The following MAP3K7CL variants were observed in gnomAD, a reference collection of about 807,000 sequenced individuals.
MAP3K7CL encodes the protein MAP3K7 C-terminal-like protein.
In MAP3K7CL, 16 loss-of-function variants were observed where a neutral mutation model predicts 18.6. The observed-to-expected ratio is 0.86, with a 90% CI of 0.58 to 1.31. The LOEUF (loss-of-function observed/expected upper bound fraction) is 1.31. MAP3K7CL is among the 50% of genes most tolerant of loss of function. The probability of loss-of-function intolerance (pLI) is 0.00; values close to 1 mark genes in which losing one functional copy is unlikely to be tolerated. For synonymous variants in MAP3K7CL, 65 were observed against 66.8 expected (o/e 0.97, Z 0.13); for missense variants, 163 against 174.4 (o/e 0.93, Z 0.37).
chr21:29,163,977 G>GTA (rs1353541463), intron 4 of MAP3K7CL, among the ~76,000 whole-genome samples: 1 of 151,796 alleles, frequency 6.6e-6, no homozygotes, highest in Non-Finnish European at 1.5e-5. Context: ...GTATTACAGA[G>GTA]TCAATATCAG....
upstream of MAP3K7CL, among the ~76,000 whole-genome samples, chr21:29,126,081 A>G (rs2086676309): frequency 6.6e-6 from 1 of 152,236 alleles, no homozygotes; most frequent in Admixed American, 6.5e-5. Flanking sequence ...GAATTGAAGA[A>G]AGTGGCAGCA....
chr21:29,120,526 C>T (rs919844297), intron 4 of MAP3K7CL, among the ~76,000 whole-genome samples: 3 of 152,094 alleles, frequency 2.0e-5, no homozygotes, highest in Non-Finnish European at 4.4e-5. Flanking sequence ...ATGAAAAGGG[C>T]CTAGCTGAGT....
At chr21:29,169,985 C>G (rs145257470) in intron 4 of MAP3K7CL, among the ~76,000 whole-genome samples, 1 of 152,180 alleles carries the variant, frequency 6.6e-6, no homozygotes, top group Non-Finnish European at 1.5e-5. Context: ...CTGTGGTCTT[C>G]TACCCCCATA....
chr21:29,147,619 G>T (rs181843118), intron 2 of MAP3K7CL, among the ~76,000 whole-genome samples: 51 of 151,280 alleles, frequency 3.4e-4, no homozygotes, highest in Non-Finnish European at 3.2e-4. Context: ...TACTGTATAT[G>T]TATCTGTACT....
intron 4 of MAP3K7CL, among the ~76,000 whole-genome samples, chr21:29,166,526 A>G (rs1207004985): frequency 1.3e-5 from 2 of 152,184 alleles, no homozygotes; most frequent in Non-Finnish European, 2.9e-5. Context: ...TCACCCCAGA[A>G]ATAAATCTGG....
At chr21:29,154,253 GA>G (rs1445380946) in intron 3 of MAP3K7CL, among the ~76,000 whole-genome samples, 5 of 152,172 alleles carry the variant, frequency 3.3e-5, no homozygotes, top group Admixed American at 1.3e-4. Context: ...TTTATTGAAT[GA>G]AATACTTAAG....
intron 4 of MAP3K7CL, chr21:29,092,673 T>A: frequency 6.9e-7 from 1 of 1,455,082 alleles, no homozygotes; most frequent in Non-Finnish European, 9.5e-7. Flanking sequence ...GGGCAGCACC[T>A]CATTCTGCAG....
chr21:29,175,720 G>A lies in MAP3K7CL; in HGVS notation c.*828G>A, dbSNP rs2087951465. On this transcript the variant is annotated 3_prime_UTR_variant, in exon 5 of 5. Transcript: ENST00000399928. ...ACTATTGTTTTGTTTTGGATTTAAG[G>A]AGATGTTTTAGATCAGTAACAGCTA... The A allele has an allele frequency of 6.6e-6, 1 of 152,196 alleles. No homozygotes were observed. The highest frequency in any genetic ancestry group is 1.5e-5 in the Non-Finnish European group (1 of 68,024). The allele number at this position is 152,196 out of a possible 1,614,324, so 9.4% of individuals were successfully genotyped here. A position where few individuals can be genotyped will look rare whatever the true frequency, so the allele number is the denominator to read the frequency against.
At chr21:29,087,053 T>A (rs1348307967) in intron 1 of MAP3K7CL, among the ~76,000 whole-genome samples, 1 of 152,206 alleles carries the variant, frequency 6.6e-6, no homozygotes, top group East Asian at 1.9e-4. Context: ...TCTTTTCCAC[T>A]TGCTCTGCCC....
chr21:29,120,139 T>C (rs1469173789), intron 4 of MAP3K7CL, among the ~76,000 whole-genome samples: 1 of 152,144 alleles, frequency 6.6e-6, no homozygotes, highest in Non-Finnish European at 1.5e-5. Context: ...CTTATTTTTT[T>C]CCTCCTTGGA....
intron 4 of MAP3K7CL, among the ~76,000 whole-genome samples, chr21:29,117,265 T>C (rs1231803255): frequency 6.6e-6 from 1 of 152,232 alleles, no homozygotes; most frequent in African/African-American, 2.4e-5. Context: ...CTAGGAAATC[T>C]TCATTCCCAT....
chr21:29,093,743 G>A (rs1007228851), intron 4 of MAP3K7CL, among the ~76,000 whole-genome samples: 3 of 151,934 alleles, frequency 2.0e-5, no homozygotes, highest in Admixed American at 6.6e-5. Flanking sequence ...CACCCGCCTC[G>A]GCCTCCCAAA....
intron 4 of MAP3K7CL, among the ~76,000 whole-genome samples, chr21:29,124,462 A>C (rs1398397826): frequency 6.6e-6 from 1 of 152,166 alleles, no homozygotes; most frequent in African/African-American, 2.4e-5. Flanking sequence ...TAAAATATTT[A>C]GATAAAAGAT....
At chr21:29,159,351 C>A (rs73897266) in intron 3 of MAP3K7CL, among the ~76,000 whole-genome samples, 4,878 of 152,148 alleles carry the variant, frequency 0.032, 279 homozygotes, top group African/African-American at 0.11. Flanking sequence ...AAACATGAAT[C>A]TTATAGGGAT....
chr21:29,101,755 G>A (rs933360904), intron 4 of MAP3K7CL, among the ~76,000 whole-genome samples: 4 of 152,090 alleles, frequency 2.6e-5, no homozygotes, highest in Non-Finnish European at 5.9e-5. Flanking sequence ...TAAAACAATA[G>A]TATCTAATTT....
chr21:29,120,630 G>A (rs1021175047), intron 4 of MAP3K7CL, among the ~76,000 whole-genome samples: 6 of 152,128 alleles, frequency 3.9e-5, no homozygotes, highest in African/African-American at 1.2e-4. Flanking sequence ...ACTCATGAAG[G>A]TATTAACATA....
chr21:29,107,958 T>A (rs1421925082), intron 4 of MAP3K7CL, among the ~76,000 whole-genome samples: 1 of 152,232 alleles, frequency 6.6e-6, no homozygotes, highest in African/African-American at 2.4e-5. Context: ...AGTTCAGAAA[T>A]GTATTTTGCC....
At chr21:29,104,298 T>G (rs1206832044) in intron 4 of MAP3K7CL, among the ~76,000 whole-genome samples, 1 of 152,166 alleles carries the variant, frequency 6.6e-6, no homozygotes, top group Admixed American at 6.5e-5. Flanking sequence ...AAAACTATTC[T>G]TCATTTCTCC....
At chr21:29,078,161 C>G (rs149792531) in intron 1 of MAP3K7CL, among the ~76,000 whole-genome samples, 4 of 151,968 alleles carry the variant, frequency 2.6e-5, no homozygotes, top group African/African-American at 9.6e-5. Flanking sequence ...TCTTTTTCTG[C>G]CTCCATTTGT....
Sources: gnomAD v4.1 joint callset for allele counts (sites outside exome capture counted in the v4.1 genomes callset) on GRCh38, gnomAD v4.1.1 for gene constraint, MANE v1.5 for transcripts, NCBI Gene and HGNC (gene_info 2026-07-23, HGNC 2026-07-21) for gene names.